ADAMTS14: variants seen among roughly 807,000 people sequenced by gnomAD.
ADAMTS14 encodes ADAM metallopeptidase with thrombospondin type 1 motif 14, also known as A disintegrin and metalloproteinase with thrombospondin motifs 14.
A neutral mutation model predicts 128.6 loss-of-function variants in ADAMTS14; 100 were observed. The ratio of observed to expected loss-of-function variants is 0.78; its 90% confidence interval spans 0.66 to 0.92. The LOEUF (loss-of-function observed/expected upper bound fraction) is 0.92. ADAMTS14 is among the 40% of genes least tolerant of loss of function. The probability of loss-of-function intolerance (pLI) is 0.00; values close to 1 mark genes in which losing one functional copy is unlikely to be tolerated. For synonymous variants in ADAMTS14, 665 were observed against 653.8 expected (o/e 1.02, Z -0.26); for missense variants, 1,562 against 1,658.6 (o/e 0.94, Z 1.01).
intron 2 of ADAMTS14, among the ~76,000 whole-genome samples, chr10:70,683,381 G>A (rs368564837): frequency 2.9e-4 from 44 of 152,372 alleles, no homozygotes; most frequent in African/African-American, 1.0e-3. Context: ...AAGAAAGGGA[G>A]TCTTTGGAAA....
chr10:70,706,160 C>CA lies in ADAMTS14; in HGVS notation c.680-2427dup, dbSNP rs140177990. 8.3e-3 allele frequency among the ~76,000 whole-genome samples: 1,261 copies of CA among 152,288 alleles called. 13 individuals are homozygous for CA. The highest frequency in any genetic ancestry group is 0.028 in the African/African-American group (1,177 of 41,544). On this transcript the variant is annotated intron_variant, in intron 3 of 21. Transcript: ENST00000373207. ...GAAGAGGGTGTGGCTGGAGCCCCCC[C>CA]ACAGCATCCAAGGCTGATGCTGGCT... is the stretch of plus-strand genomic sequence containing the variant.
At chr10:70,688,586 C>T (rs1160860801) in intron 2 of ADAMTS14, among the ~76,000 whole-genome samples, 1 of 83,928 alleles carries the variant, frequency 1.2e-5, no homozygotes, top group African/African-American at 4.3e-5. Flanking sequence ...CCATTGAGCA[C>T]TGAGTGAACG....
At chr10:70,680,917 G>A (rs1240877749) in intron 2 of ADAMTS14, among the ~76,000 whole-genome samples, 1 of 152,066 alleles carries the variant, frequency 6.6e-6, no homozygotes, top group African/African-American at 2.4e-5. Flanking sequence ...CAAAGTGCTG[G>A]GATTACAGGC....
At chr10:70,721,534 C>T (rs563188558) in intron 4 of ADAMTS14, among the ~76,000 whole-genome samples, 83 of 151,590 alleles carry the variant, frequency 5.5e-4, no homozygotes, top group East Asian at 1.2e-3. Flanking sequence ...TACAGGTACC[C>T]GCCACCACGC....
intron 6 of ADAMTS14, 79 bp downstream of exon 6, chr10:70,730,328 G>T: frequency 1.3e-6 from 2 of 1,526,884 alleles, no homozygotes; most frequent in Non-Finnish European, 1.8e-6. Flanking sequence ...GGAGGCAGAT[G>T]GGCTCTCTTC....
At chr10:70,685,609 G>T (rs1267689401) in intron 2 of ADAMTS14, among the ~76,000 whole-genome samples, 2 of 152,182 alleles carry the variant, frequency 1.3e-5, no homozygotes, top group Non-Finnish European at 2.9e-5. Context: ...TAGCAGGTGA[G>T]TGTCAGGTGT....
At chr10:70,675,591 C>T (rs899220690) in intron 2 of ADAMTS14, among the ~76,000 whole-genome samples, 9 of 152,198 alleles carry the variant, frequency 5.9e-5, no homozygotes, top group Admixed American at 5.9e-4. Flanking sequence ...CCTCCCAGAG[C>T]CAGCCTGCTC....
At chr10:70,702,586 G>C (rs1012586639) in intron 3 of ADAMTS14, 118 bp downstream of exon 3, 1 of 1,333,178 alleles carries the variant, frequency 7.5e-7, no homozygotes, top group Non-Finnish European at 1.0e-6. Context: ...TGTAAAATGG[G>C]ACTGGGCCAC....
rs1018369134 is a variant in ADAMTS14, at chr10:70,744,127, G to A, written c.2120G>A (p.Gly707Glu). 2.6e-6 allele frequency: 4 copies of A among 1,562,006 alleles called. No individual in the cohort carries two copies. The highest frequency in any genetic ancestry group is 3.5e-6 in the Non-Finnish European group (4 of 1,153,076). The change falls in exon 14 of 22, where the codon GGG becomes GAG. Residue 707 changes from glycine (G) to glutamate (E), a missense_variant. Gly to Glu is a moderately conservative substitution (Grantham distance 98). Transcript: ENST00000373207. Reference protein sequence around the residue: ...MKADDKCGVCGGDNSHCRTVK... With the variant: ...MKADDKCGVCEGDNSHCRTVK... ...GCGGATGACAAGTGTGGAGTCTGCG[G>A]GGGTGACAACTCCCACTGCAGGACT... is the stretch of plus-strand genomic sequence containing the variant.
intron 2 of ADAMTS14, among the ~76,000 whole-genome samples, chr10:70,699,878 TG>T (rs761775992): frequency 9.1e-4 from 138 of 152,116 alleles, no homozygotes; most frequent in Admixed American, 2.0e-3. Context: ...AGAGGCGTGA[TG>T]GACCGAGACG....
At chr10:70,744,936 G>A (rs1449306067) in intron 14 of ADAMTS14, among the ~76,000 whole-genome samples, 3 of 152,134 alleles carry the variant, frequency 2.0e-5, no homozygotes, top group Admixed American at 6.5e-5. Flanking sequence ...AGGGACGGGG[G>A]GAAGGGCAGA....
chr10:70,759,528 GTTA>G (rs1345159704), intron 21 of ADAMTS14, among the ~76,000 whole-genome samples: 2 of 152,212 alleles, frequency 1.3e-5, no homozygotes, highest in African/African-American at 2.4e-5. Context: ...TGTTTGCAAT[GTTA>G]TTATTCACTG....
In ADAMTS14 at chr10:70,744,099, A is replaced by G. The variant is rs1400518668; in HGVS notation, c.2092A>G (p.Lys698Glu). Residue 698 changes from lysine (K) to glutamate (E), a missense_variant, in exon 14 of 22, where the codon AAG becomes GAG. Coordinates refer to ENST00000373207, the MANE Select transcript of ADAMTS14 (RefSeq NM_080722.4). ...VGCDKEVGSMKADDKCGVCGG... is the reference protein window; with the variant it reads ...VGCDKEVGSMEADDKCGVCGG... Reference sequence around the variant, plus strand: ...CTGTGACAAGGAGGTGGGGTCCATGAAGGCGGATGACAAGTGTGGAGTCTG... The same window carrying G: ...CTGTGACAAGGAGGTGGGGTCCATGGAGGCGGATGACAAGTGTGGAGTCTG... 1 of 1,565,686 alleles carries G rather than the reference A, an allele frequency of 6.4e-7. No individual in the cohort carries two copies. The highest frequency in any genetic ancestry group is 1.4e-5 in the African/African-American group (1 of 73,768).
rs1229522559 is a variant in ADAMTS14, at chr10:70,719,585, T to TAAAA, written c.871-9706_871-9703dup. Among the ~76,000 whole-genome samples the TAAAA allele has an allele frequency of 1.7e-4, 26 of 151,554 alleles. No homozygotes were observed. The East Asian group carries it at 2.7e-3, about 16-fold the overall frequency. On this transcript the variant is annotated intron_variant, in intron 4 of 21. Coordinates refer to ENST00000373207, the MANE Select transcript of ADAMTS14 (RefSeq NM_080722.4). ...CCCAGCTAATTTTTATTTTTTTTTT[T>TAAAA]AAAAAATAGACAAGGTCTCACTACG...
At chr10:70,708,848 C>T in intron 4 of ADAMTS14, 70 bp downstream of exon 4, 3 of 1,231,568 alleles carry the variant, frequency 2.4e-6, no homozygotes, top group South Asian at 4.1e-5. Flanking sequence ...CCCACTGGGC[C>T]CCAGTGCTGA....
chr10:70,736,605 T>G, intron 9 of ADAMTS14, 75 bp from the exon 10 acceptor site: 1 of 1,417,042 alleles, frequency 7.1e-7, no homozygotes, highest in Non-Finnish European at 9.7e-7. Flanking sequence ...ACACCCTCTT[T>G]TCTCTCCATC....
intron 15 of ADAMTS14, 69 bp from the exon 16 acceptor site, chr10:70,749,753 T>A: frequency 3.2e-6 from 5 of 1,549,302 alleles, no homozygotes; most frequent in Non-Finnish European, 4.4e-6. Context: ...GCCTTGAATT[T>A]CATATTCATG....
At chr10:70,709,784 G>A (rs1328900420) in intron 4 of ADAMTS14, among the ~76,000 whole-genome samples, 1 of 152,206 alleles carries the variant, frequency 6.6e-6, no homozygotes, top group Non-Finnish European at 1.5e-5. Flanking sequence ...ACAGGCGTGA[G>A]CCACCGCGCC....
chr10:70,711,828 A>G (rs1309518418), intron 4 of ADAMTS14, among the ~76,000 whole-genome samples: 1 of 152,128 alleles, frequency 6.6e-6, no homozygotes, highest in Non-Finnish European at 1.5e-5. Flanking sequence ...GCACCCATTG[A>G]GATGGCAGCA....
Sources: allele counts gnomAD v4.1 joint callset (sites outside exome capture counted in the v4.1 genomes callset), GRCh38; gene constraint gnomAD v4.1.1; transcripts MANE v1.5; gene names NCBI Gene and HGNC (gene_info 2026-07-23, HGNC 2026-07-21).